LRCH3: variants seen among roughly 807,000 people sequenced by gnomAD.
LRCH3 encodes the protein DISP complex protein LRCH3.
A neutral mutation model predicts 104.5 loss-of-function variants in LRCH3; 68 were observed. That is an observed-to-expected ratio of 0.65 (90% CI 0.54 to 0.80). The LOEUF (loss-of-function observed/expected upper bound fraction) is 0.80. Among genes scored for constraint, LRCH3 ranks in the 30% least tolerant of loss-of-function variants. The pLI, the probability that LRCH3 is intolerant of heterozygous loss-of-function variation, is 0.00. For synonymous variants in LRCH3, 344 were observed against 361.3 expected (o/e 0.95, Z 0.54); for missense variants, 951 against 953.9 (o/e 1.00, Z 0.04).
At chr3:197,822,314 T>C (rs916744886) in intron 4 of LRCH3, among the ~76,000 whole-genome samples, 5 of 152,182 alleles carry the variant, frequency 3.3e-5, no homozygotes, top group African/African-American at 1.2e-4. Flanking sequence ...TAGGACCTTA[T>C]AACCCCAAAT....
In LRCH3 at chr3:197,791,259, C is replaced by A. The variant is rs1276941600; in HGVS notation, c.-20C>A. ...CGCGCATGCGCTGAGCTGGCGGGCC[C>A]GAGTGTTGTCGGCTGGGAAATGGCG... On this transcript the variant is annotated 5_prime_UTR_variant, in exon 1 of 21. Coordinates refer to ENST00000425562, the MANE Select transcript of LRCH3 (RefSeq NM_001365715.1). The A allele has an allele frequency of 9.3e-6, 15 of 1,606,534 alleles. No homozygotes were observed. Among genetic ancestry groups the A allele is most frequent in the Non-Finnish European group, 1.2e-5 (14 of 1,177,954 alleles).
intron 4 of LRCH3, among the ~76,000 whole-genome samples, chr3:197,821,899 C>T (rs1269464522): frequency 6.6e-6 from 1 of 152,202 alleles, no homozygotes; most frequent in Non-Finnish European, 1.5e-5. Context: ...GTCTCAAACT[C>T]CTGGGGTCAA....
intron 8 of LRCH3, among the ~76,000 whole-genome samples, chr3:197,833,769 T>G (rs772287888): frequency 2.0e-5 from 3 of 152,222 alleles, no homozygotes; most frequent in Non-Finnish European, 2.9e-5. Flanking sequence ...ACGACATATG[T>G]GGTTCACCTT....
intron 9 of LRCH3, among the ~76,000 whole-genome samples, chr3:197,837,624 T>C (rs955089277): frequency 6.6e-6 from 1 of 152,184 alleles, no homozygotes; most frequent in African/African-American, 2.4e-5. Flanking sequence ...ATAATACTTG[T>C]CACATACATA....
chr3:197,875,298 C>T (rs1056765485), intron 19 of LRCH3, among the ~76,000 whole-genome samples: 2 of 152,196 alleles, frequency 1.3e-5, no homozygotes, highest in African/African-American at 4.8e-5. Flanking sequence ...AGTTCGCTGA[C>T]CCCCTAGTCT....
At chr3:197,832,479 G>A (rs1311177327) in intron 8 of LRCH3, among the ~76,000 whole-genome samples, 162 bp downstream of exon 8, 1 of 152,016 alleles carries the variant, frequency 6.6e-6, no homozygotes, top group East Asian at 1.9e-4. Context: ...TTTCCATTGG[G>A]ATGAAACTAT....
intron 15 of LRCH3, among the ~76,000 whole-genome samples, chr3:197,863,676 G>A (rs1006489531): frequency 6.6e-6 from 1 of 152,128 alleles, no homozygotes; most frequent in African/African-American, 2.4e-5. Flanking sequence ...GGTAAGCTTT[G>A]TAACTGTTTG....
At chr3:197,818,880 C>T (rs964535992) in intron 3 of LRCH3, among the ~76,000 whole-genome samples, 12 of 152,146 alleles carry the variant, frequency 7.9e-5, no homozygotes, top group African/African-American at 2.9e-4. Context: ...AATCCTAGCA[C>T]TTTGGGAGGC....
chr3:197,865,441 G>C lies in LRCH3; in HGVS notation c.1735G>C (p.Ala579Pro). The change falls in exon 16 of 21, where the codon GCT becomes CCT. Residue 579 changes from alanine (A) to proline (P), a missense_variant. Ala to Pro is a conservative substitution (Grantham distance 27). Transcript: ENST00000425562. ...TCCACAGAGTGATGACAGACCTAAT[G>C]CTCTATTAAGTTCACCTGCAACAGA... Reference protein sequence around the residue: ...TPLKSDDRPNALLSSPATETV... With the variant: ...TPLKSDDRPNPLLSSPATETV... The C allele has an allele frequency of 6.4e-7, 1 of 1,567,048 alleles. No homozygotes were observed. The highest frequency in any genetic ancestry group is 8.7e-7 in the Non-Finnish European group (1 of 1,155,860).
intron 20 of LRCH3, 81 bp downstream of exon 20, chr3:197,875,856 T>TA: frequency 1.1e-6 from 1 of 884,420 alleles, no homozygotes; most frequent in South Asian, 1.5e-5. Flanking sequence ...TCTAAAATCT[T>TA]ACAGGACTAG....
chr3:197,805,527 C>T (rs1450110015), intron 1 of LRCH3, among the ~76,000 whole-genome samples: 1 of 149,850 alleles, frequency 6.7e-6, no homozygotes, highest in Non-Finnish European at 1.5e-5. Context: ...CTGATATACT[C>T]CTCTGATTAT....
rs188465037 is a variant in LRCH3, at chr3:197,855,298, C to T, written c.1644+853C>T. Among the ~76,000 whole-genome samples, 12 of 152,206 alleles carry T rather than the reference C, an allele frequency of 7.9e-5. No homozygotes were observed. The East Asian group carries it at 9.6e-4, about 12-fold the overall frequency. ...ATGGATAAAGCACCTTTTAACTGGG[C>T]GGTCTTATAGGTGAATACAATCATC... On this transcript the variant is annotated intron_variant, in intron 14 of 20. Coordinates refer to ENST00000425562, the MANE Select transcript of LRCH3 (RefSeq NM_001365715.1).
chr3:197,802,743 G>A lies in LRCH3; in HGVS notation c.262+11203G>A, dbSNP rs191945535. Among the ~76,000 whole-genome samples the A allele has an allele frequency of 2.6e-4, 40 of 152,210 alleles. 1 individual carries two copies. The highest frequency in any genetic ancestry group is 2.1e-3 in the Admixed American group (32 of 15,290). ...GTTCTATGTTCCTAGGAATTTATGCGTTTCTTCTGAGTTATCCAGTTTGTT... is the reference window on the plus strand; with the variant it reads ...GTTCTATGTTCCTAGGAATTTATGCATTTCTTCTGAGTTATCCAGTTTGTT... On this transcript the variant is annotated intron_variant, in intron 1 of 20. Coordinates refer to ENST00000425562, the MANE Select transcript of LRCH3 (RefSeq NM_001365715.1).
intron 18 of LRCH3, among the ~76,000 whole-genome samples, chr3:197,870,930 T>A (rs1023404012): frequency 6.6e-6 from 1 of 152,256 alleles, no homozygotes; most frequent in Non-Finnish European, 1.5e-5. Context: ...TCTACTCATT[T>A]AAATTTTTTC....
rs754494401 is a variant in LRCH3, at chr3:197,866,117, C to A, written c.1771C>A (p.His591Asn). 1 of 1,610,268 alleles carries A rather than the reference C, an allele frequency of 6.2e-7. No homozygotes were observed. The change falls in exon 17 of 21, where the codon CAT becomes AAT. Residue 591 changes from histidine (H) to asparagine (N), a missense_variant. Physicochemically the swap from His to Asn is moderately conservative, Grantham distance 68. Coordinates refer to ENST00000425562, the MANE Select transcript of LRCH3 (RefSeq NM_001365715.1). ...TATTTTTCATGCTAATTTAGTTCAT[C>A]ATTCCCCTGCATATTCTTTTCCTGC... Reference protein sequence around the residue: ...LSSPATETVHHSPAYSFPAAI... With the variant: ...LSSPATETVHNSPAYSFPAAI...
intron 10 of LRCH3, among the ~76,000 whole-genome samples, chr3:197,847,178 C>A (rs1738862981): frequency 6.6e-6 from 1 of 152,204 alleles, no homozygotes; most frequent in Non-Finnish European, 1.5e-5. Context: ...CTGACATAGA[C>A]AGTTGATACC....
intron 3 of LRCH3, among the ~76,000 whole-genome samples, chr3:197,818,923 C>G (rs1321349886): frequency 1.3e-5 from 2 of 151,914 alleles, no homozygotes; most frequent in African/African-American, 4.8e-5. Flanking sequence ...GTCAGGAGTT[C>G]GAGACCAGCC....
In LRCH3 at chr3:197,829,552, G is replaced by A; in HGVS notation, c.778-12G>A. Reference sequence around the variant, plus strand: ...AGTAATAATTTGGCTACATCTGTGTGACTTTATTTAGATATGTATAAAAGG... The same window carrying A: ...AGTAATAATTTGGCTACATCTGTGTAACTTTATTTAGATATGTATAAAAGG... On this transcript the variant is annotated splice_polypyrimidine_tract_variant and intron_variant, in intron 5 of 20. Coordinates refer to ENST00000425562, the MANE Select transcript of LRCH3 (RefSeq NM_001365715.1). The A allele has an allele frequency of 1.3e-6, 2 of 1,572,710 alleles. No homozygotes were observed. The highest frequency in any genetic ancestry group is 2.3e-5 in the South Asian group (2 of 86,892).
chr3:197,823,198 GAC>G (rs1734706501), intron 4 of LRCH3: 1 of 149,184 alleles, frequency 6.7e-6, no homozygotes, highest in Non-Finnish European at 1.5e-5. Context: ...TCAAACTCCT[GAC>G]CTCATGATCC....
Sources: allele counts gnomAD v4.1 joint callset (sites outside exome capture counted in the v4.1 genomes callset), GRCh38; gene constraint gnomAD v4.1.1; transcripts MANE v1.5; gene names NCBI Gene and HGNC (gene_info 2026-07-23, HGNC 2026-07-21).